TRPC4: variants seen among roughly 807,000 people sequenced by gnomAD.
TRPC4 encodes the protein short transient receptor potential channel 4.
A neutral mutation model predicts 99.4 loss-of-function variants in TRPC4; 49 were observed. That is an observed-to-expected ratio of 0.49 (90% CI 0.39 to 0.63). The LOEUF (loss-of-function observed/expected upper bound fraction) is 0.63. Ranked by LOEUF, TRPC4 falls within the 20% of genes least tolerant of loss-of-function variation. The pLI is 0.00. For synonymous variants in TRPC4, 454 were observed against 425.9 expected, an observed-to-expected ratio of 1.07 and a Z score of -0.81; for missense variants, 898 against 1,152.9, an observed-to-expected ratio of 0.78 and a Z score of 3.20.
chr13:37,812,176 C>CAAAAAAAAAAACAAAAAAAA (rs1957709166), intron 1 of TRPC4, among the ~76,000 whole-genome samples: 1 of 55,142 alleles, frequency 1.8e-5, no homozygotes, highest in African/African-American at 7.9e-5. Flanking sequence ...GAGACTCTAT[C>CAAAAAAAAAAACAAAAAAAA]AAAAAAAAAA....
chr13:37,852,790 T>C (rs1959092216), intron 1 of TRPC4, among the ~76,000 whole-genome samples: 1 of 152,120 alleles, frequency 6.6e-6, no homozygotes, highest in Non-Finnish European at 1.5e-5. Flanking sequence ...TGAAGAACTC[T>C]TGGGCATTAA....
At chr13:37,832,463 C>T (rs1235029227) in intron 1 of TRPC4, among the ~76,000 whole-genome samples, 2 of 151,994 alleles carry the variant, frequency 1.3e-5, no homozygotes, top group African/African-American at 2.4e-5. Context: ...CTCTTGAACC[C>T]GGGAGACAGA....
chr13:37,653,765 T>G (rs991757085), intron 7 of TRPC4, among the ~76,000 whole-genome samples: 7 of 152,178 alleles, frequency 4.6e-5, no homozygotes, highest in African/African-American at 1.7e-4. Context: ...TTGGGACATT[T>G]AATGTTTTAA....
At position 37,776,521 on chromosome 13, in the gene TRPC4, AC is replaced by A. The variant is rs1956708245; in HGVS notation, c.378+6434del. On this transcript the variant is annotated intron_variant, in intron 2 of 10. Coordinates refer to ENST00000379705, the MANE Select transcript of TRPC4 (RefSeq NM_016179.4). ...TATGGTTACACATATATTGAGGCTC[AC>A]TTGAGGCTCACTTACTGTCAATATC... Among the ~76,000 whole-genome samples, 9 of 151,904 alleles carry A rather than the reference AC, an allele frequency of 5.9e-5. No individual in the cohort carries two copies. The South Asian group carries it at 1.0e-3, about 18-fold the overall frequency.
intron 1 of TRPC4, among the ~76,000 whole-genome samples, chr13:37,856,327 C>T (rs189575334): frequency 8.7e-5 from 13 of 149,646 alleles, no homozygotes; most frequent in Admixed American, 5.3e-4. Context: ...ATGAACAAAT[C>T]CAAAACCTGA....
intron 1 of TRPC4, among the ~76,000 whole-genome samples, chr13:37,796,891 G>A (rs1411020832): frequency 2.7e-5 from 3 of 109,380 alleles, no homozygotes; most frequent in Non-Finnish European, 5.7e-5. Context: ...CCAGGAGTTC[G>A]AGACCAGTCT....
intron 4 of TRPC4, among the ~76,000 whole-genome samples, chr13:37,675,526 A>G (rs558871629): frequency 6.6e-6 from 1 of 152,202 alleles, no homozygotes; most frequent in South Asian, 2.1e-4. Context: ...CTCAAGAGAA[A>G]TATTATAGTT....
chr13:37,646,651 T>TA (rs1306931704), intron 8 of TRPC4, among the ~76,000 whole-genome samples: 1 of 152,228 alleles, frequency 6.6e-6, no homozygotes, highest in Non-Finnish European at 1.5e-5. Context: ...TAGAAATGTC[T>TA]AGTTAAAGTT....
chr13:37,855,804 A>G (rs1959168711), intron 1 of TRPC4, among the ~76,000 whole-genome samples: 1 of 151,978 alleles, frequency 6.6e-6, no homozygotes, highest in Non-Finnish European at 1.5e-5. Flanking sequence ...AAAGTAATTA[A>G]GAAGGAAATT....
At chr13:37,761,889 G>C (rs114375043) in intron 2 of TRPC4, among the ~76,000 whole-genome samples, 6,388 of 151,250 alleles carry the variant, frequency 0.042, 460 homozygotes, top group African/African-American at 0.15. Context: ...TAGAATGCAT[G>C]CTTTTTGTTG....
intron 5 of TRPC4, 69 bp from the exon 6 acceptor site, chr13:37,663,798 C>T: frequency 7.4e-7 from 1 of 1,350,870 alleles, no homozygotes. Context: ...AAGGTCAGAC[C>T]CAGAAGGAAA....
At chr13:37,812,176 C>CAAAAAAAAA (rs61607544) in intron 1 of TRPC4, among the ~76,000 whole-genome samples, 12,747 of 54,566 alleles carry the variant, frequency 0.23, 2,645 homozygotes, top group Non-Finnish European at 0.31. Flanking sequence ...GAGACTCTAT[C>CAAAAAAAAA]AAAAAAAAAA....
chr13:37,765,741 C>T (rs1051846506), intron 2 of TRPC4, among the ~76,000 whole-genome samples: 1 of 151,396 alleles, frequency 6.6e-6, no homozygotes, highest in African/African-American at 2.4e-5. Context: ...GTTTGTTGAT[C>T]TGTATTAAAT....
intron 1 of TRPC4, among the ~76,000 whole-genome samples, chr13:37,783,692 A>G (rs143669524): frequency 6.6e-6 from 1 of 152,238 alleles, no homozygotes; most frequent in Admixed American, 6.5e-5. Flanking sequence ...TATAGTTTTC[A>G]ATCACTTTGA....
At chr13:37,720,440 T>C (rs144908014) in intron 3 of TRPC4, among the ~76,000 whole-genome samples, 17 of 152,120 alleles carry the variant, frequency 1.1e-4, no homozygotes, top group Admixed American at 1.0e-3. Flanking sequence ...AACCGAGCAA[T>C]GAGGTTATTA....
At chr13:37,694,029 T>C (rs1469775318) in intron 3 of TRPC4, among the ~76,000 whole-genome samples, 2 of 152,174 alleles carry the variant, frequency 1.3e-5, no homozygotes, top group African/African-American at 4.8e-5. Context: ...TATATAACTG[T>C]AGAGTATTGA....
intron 4 of TRPC4, among the ~76,000 whole-genome samples, chr13:37,676,923 G>GTATATA (rs58968838): frequency 6.6e-6 from 1 of 150,634 alleles, no homozygotes; most frequent in Non-Finnish European, 1.5e-5. Flanking sequence ...AAATGTGTGT[G>GTATATA]TATATATATA....
chr13:37,693,765 T>C (rs1290235735), intron 3 of TRPC4, among the ~76,000 whole-genome samples: 1 of 152,216 alleles, frequency 6.6e-6, no homozygotes. Context: ...TCATCTTGTC[T>C]TGCATATCTA....
intron 1 of TRPC4, among the ~76,000 whole-genome samples, chr13:37,827,573 T>A (rs4638444): frequency 0.18 from 27,908 of 151,942 alleles, 2,624 homozygotes; most frequent in Middle Eastern, 0.2. Context: ...TGCCTCCCAG[T>A]TAGGCTGCTC....
Sources: gnomAD v4.1 joint callset for allele counts (sites outside exome capture counted in the v4.1 genomes callset) on GRCh38, gnomAD v4.1.1 for gene constraint, MANE v1.5 for transcripts, NCBI Gene and HGNC (gene_info 2026-07-23, HGNC 2026-07-21) for gene names.